The following DOCK3 variants were observed in gnomAD, a reference collection of about 807,000 sequenced individuals.
DOCK3 encodes the protein dedicator of cytokinesis 3.
A neutral mutation model predicts 265.6 loss-of-function variants in DOCK3; 60 were observed. That is an observed-to-expected ratio of 0.23 (90% CI 0.18 to 0.28). The LOEUF (loss-of-function observed/expected upper bound fraction) is 0.28. Among genes scored for constraint, DOCK3 ranks in the 10% least tolerant of loss-of-function variants. The pLI, the probability that DOCK3 is intolerant of heterozygous loss-of-function variation, is 1.00. For missense variants in DOCK3, 1,981 were observed against 2,594.3 expected (o/e 0.76, Z 5.14); for synonymous variants, 881 against 938.0 (o/e 0.94, Z 1.11).
intron 12 of DOCK3, among the ~76,000 whole-genome samples, chr3:51,197,869 G>A (rs1046907241): frequency 5.3e-5 from 8 of 152,324 alleles, no homozygotes; most frequent in Non-Finnish European, 2.9e-5. Flanking sequence ...CCTGGCCCTG[G>A]CAGGGGTAGC....
At chr3:51,002,889 A>C (rs1164819746) in intron 5 of DOCK3, among the ~76,000 whole-genome samples, 1 of 152,226 alleles carries the variant, frequency 6.6e-6, no homozygotes, top group Non-Finnish European at 1.5e-5. Flanking sequence ...GTATTTGAAA[A>C]GAAATAACTG....
chr3:50,694,141 G>A (rs1292558537), intron 1 of DOCK3, among the ~76,000 whole-genome samples: 1 of 151,772 alleles, frequency 6.6e-6, no homozygotes, highest in East Asian at 2.0e-4. Context: ...GTGGTGGCGG[G>A]CGCCTGTAAT....
chr3:50,841,744 T>TTTTTCTTTTTCTTTTTTTTTTTTTTTTG (rs778935832), intron 3 of DOCK3, 29 bp downstream of exon 3: 2 of 521,648 alleles, frequency 3.8e-6, no homozygotes, highest in Non-Finnish European at 6.2e-6. Context: ...TTACCTTTTC[T>TTTTTCTTTTTCTTTTTTTTTTTTTTTTG]AATGTAGGAA....
At chr3:50,882,242 C>T (rs2107665777) in intron 3 of DOCK3, among the ~76,000 whole-genome samples, 1 of 152,240 alleles carries the variant, frequency 6.6e-6, no homozygotes, top group East Asian at 1.9e-4. Flanking sequence ...AAATCAGTGG[C>T]AACAAAAGCC....
intron 1 of DOCK3, among the ~76,000 whole-genome samples, chr3:50,693,071 T>C (rs1384912991): frequency 3.3e-5 from 5 of 152,182 alleles, no homozygotes; most frequent in Non-Finnish European, 7.3e-5. Context: ...CTGTATTCTG[T>C]TTCATTGGTC....
chr3:50,831,195 TTATTTATTTA>T (rs1486522712), intron 2 of DOCK3, among the ~76,000 whole-genome samples: 7 of 12,464 alleles, frequency 5.6e-4, no homozygotes, highest in Non-Finnish European at 2.8e-3. Context: ...TTTTATTTAT[TTATTTATTTA>T]TTTATTTATT....
At chr3:51,059,029 G>A (rs1363854543) in intron 5 of DOCK3, among the ~76,000 whole-genome samples, 2 of 151,946 alleles carry the variant, frequency 1.3e-5, no homozygotes, top group African/African-American at 2.4e-5. Context: ...CCCCTCACAC[G>A]GGTAGTGAAC....
Position 51,089,334 on chromosome 3 carries a change from TAA to T in DOCK3, c.591+51_591+52del, listed in dbSNP as rs760000901. The T allele has an allele frequency of 7.6e-6, 12 of 1,577,044 alleles. No homozygotes were observed. In the South Asian group the frequency reaches 1.2e-4, roughly 15 times the overall value. Reference sequence around the variant, plus strand: ...AGCCTTTCCCCTCAACTTTTTCTGTTAAGAGATTACAACATATGAATACACCA... The same window carrying T: ...AGCCTTTCCCCTCAACTTTTTCTGTTGAGATTACAACATATGAATACACCA... On this transcript the variant is annotated intron_variant, in intron 8 of 52. Coordinates refer to ENST00000266037, the MANE Select transcript of DOCK3 (RefSeq NM_004947.5).
At chr3:51,305,509 C>G (rs540646459) in intron 27 of DOCK3, among the ~76,000 whole-genome samples, 1 of 152,180 alleles carries the variant, frequency 6.6e-6, no homozygotes, top group South Asian at 2.1e-4. Flanking sequence ...TAATTTTTCC[C>G]AACTCCGTCT....
At chr3:51,161,827 A>G (rs2086155282) in intron 12 of DOCK3, among the ~76,000 whole-genome samples, 1 of 152,158 alleles carries the variant, frequency 6.6e-6, no homozygotes. Flanking sequence ...AGGAGCTAAG[A>G]TATTATTCTT....
intron 4 of DOCK3, among the ~76,000 whole-genome samples, chr3:50,919,198 C>T (rs1039046668): frequency 5.3e-5 from 8 of 152,206 alleles, no homozygotes; most frequent in African/African-American, 1.9e-4. Context: ...TAGTGTGATG[C>T]TTCCAGCTTT....
intron 21 of DOCK3, among the ~76,000 whole-genome samples, chr3:51,239,564 TTGTTTGTTTG>T (rs2078508123): frequency 7.2e-6 from 1 of 139,540 alleles, no homozygotes; most frequent in Non-Finnish European, 1.6e-5. Context: ...GGTTTTTTTT[TTGTTTGTTTG>T]TTTTTTGTTT....
At chr3:51,220,711 A>G (rs9843688) in intron 14 of DOCK3, among the ~76,000 whole-genome samples, 83,807 of 110,404 alleles carry the variant, frequency 0.76, 31,621 homozygotes, top group Middle Eastern at 0.84. Context: ...GTGTGTGTGT[A>G]TATATATATA....
In DOCK3 at chr3:51,064,616, G is replaced by A; in HGVS notation, c.464+20G>A. 3.7e-6 allele frequency: 6 copies of A among 1,609,902 alleles called. No homozygotes were observed. Among genetic ancestry groups the A allele is most frequent in the Non-Finnish European group, 5.1e-6 (6 of 1,176,734 alleles). ...TAATGAGTAAGTATGAAAATTGTTT[G>A]GGTATCTCTCAGTTTCATTTATGAT... On this transcript the variant is annotated intron_variant, in intron 6 of 52. Transcript: ENST00000266037.
chr3:50,840,894 G>A (rs972600700), intron 2 of DOCK3, among the ~76,000 whole-genome samples: 3 of 151,904 alleles, frequency 2.0e-5, no homozygotes, highest in African/African-American at 7.3e-5. Flanking sequence ...TTTTTTCATA[G>A]CTTTGTTATT....
intron 22 of DOCK3, among the ~76,000 whole-genome samples, chr3:51,255,554 C>G (rs551495145): frequency 1.3e-5 from 2 of 152,326 alleles, no homozygotes; most frequent in East Asian, 3.9e-4. Flanking sequence ...TTCTTGGAGG[C>G]TTTGTTCATT....
chr3:50,945,417 C>G (rs1051758813), intron 5 of DOCK3, among the ~76,000 whole-genome samples: 2 of 152,002 alleles, frequency 1.3e-5, no homozygotes, highest in Admixed American at 6.5e-5. Context: ...ATTAAACACT[C>G]TACTAGGGCA....
rs542971437 is a variant in DOCK3, at chr3:51,359,227, G to A, written c.4884+1150G>A. ...ACCTGCTGTGTTCTTGGATGCTGCAGGTTCTGGTCATCTCCGTCCCTCCAG... is the reference window on the plus strand; with the variant it reads ...ACCTGCTGTGTTCTTGGATGCTGCAAGTTCTGGTCATCTCCGTCCCTCCAG... On this transcript the variant is annotated intron_variant, in intron 46 of 52. Coordinates refer to ENST00000266037, the MANE Select transcript of DOCK3 (RefSeq NM_004947.5). This position sits in a 1 kb window ranked among gnomAD's most constrained non-coding sequence, Gnocchi z 4.8. 6.5e-4 allele frequency among the ~76,000 whole-genome samples: 99 copies of A among 152,374 alleles called. No individual in the cohort carries two copies. The highest frequency in any genetic ancestry group is 1.3e-3 in the Non-Finnish European group (89 of 68,034).
intron 9 of DOCK3, among the ~76,000 whole-genome samples, chr3:51,122,327 A>C (rs1424418060): frequency 6.6e-6 from 1 of 152,198 alleles, no homozygotes; most frequent in Non-Finnish European, 1.5e-5. Flanking sequence ...AAAAAAATTT[A>C]AAAGTATCCA....
Sources: allele counts gnomAD v4.1 joint callset (sites outside exome capture counted in the v4.1 genomes callset), GRCh38; gene constraint gnomAD v4.1.1; non-coding constraint Gnocchi (gnomAD v3.1); transcripts MANE v1.5; gene names NCBI Gene and HGNC (gene_info 2026-07-23, HGNC 2026-07-21).